Variants in RELL1 observed in about 807,000 individuals in gnomAD.
The protein encoded by RELL1 is RELT like 1, also known as RELT-like protein 1.
RELL1 carries 10 observed loss-of-function variants against 23.0 expected under a neutral mutation model. The ratio of observed to expected loss-of-function variants is 0.43; its 90% CI spans 0.27 to 0.74. The LOEUF (loss-of-function observed/expected upper bound fraction) is 0.74. Ranked by LOEUF, RELL1 falls within the 30% of genes least tolerant of loss-of-function variation. RELL1 has a pLI of 0.19. For missense variants in RELL1, 315 were observed against 364.4 expected (o/e 0.86, Z 1.10); for synonymous variants, 146 against 146.8 (o/e 0.99, Z 0.04).
At chr4:37,590,281 C>T (rs762739859), downstream of RELL1, 8 of 1,614,050 alleles carry the variant, frequency 5.0e-6, no homozygotes, top group East Asian at 1.6e-4. Flanking sequence ...TCCATGGGAG[C>T]CCTGCTGGCC....
chr4:37,656,237 A>G (rs1157827626), intron 1 of RELL1, among the ~76,000 whole-genome samples: 1 of 152,230 alleles, frequency 6.6e-6, no homozygotes, highest in East Asian at 1.9e-4. Flanking sequence ...AGGCTAAATG[A>G]AATAAGCCAG....
intron 3 of RELL1, among the ~76,000 whole-genome samples, chr4:37,643,867 G>T (rs1720606174): frequency 6.6e-6 from 1 of 152,208 alleles, no homozygotes; most frequent in African/African-American, 2.4e-5. Flanking sequence ...AGAGGCCACA[G>T]CTGGAAAGGG....
chr4:37,621,030 G>T (rs1206403289), intron 6 of RELL1, among the ~76,000 whole-genome samples: 1 of 152,286 alleles, frequency 6.6e-6, no homozygotes, highest in Non-Finnish European at 1.5e-5. Context: ...GATCTTGAGC[G>T]CAAGAAGTCT....
chr4:37,634,759 TA>T (rs34782875), intron 5 of RELL1, 127 bp downstream of exon 5: 2 of 830,246 alleles, frequency 2.4e-6, no homozygotes, highest in Non-Finnish European at 3.9e-6. Context: ...AGAAAACATC[TA>T]AAAAGCCCAG....
At chr4:37,660,002 A>C (rs1721267359) in intron 1 of RELL1, among the ~76,000 whole-genome samples, 1 of 152,200 alleles carries the variant, frequency 6.6e-6, no homozygotes. Context: ...ATGGGAAAGG[A>C]ACTTGGCTGA....
rs146355038 is a variant in RELL1, at chr4:37,653,496, G to C, written c.89-3996C>G. On this transcript the variant is annotated intron_variant, in intron 1 of 6. Transcript: ENST00000454158. ...CCCTCAAAATCTTCTTAGGAAAATG[G>C]CATGAACCACAGATTGTTCCTGTGG... 4.5e-4 allele frequency among the ~76,000 whole-genome samples: 69 copies of C among 152,072 alleles called. 1 individual carries two copies. The highest frequency in any genetic ancestry group is 8.8e-4 in the Non-Finnish European group (60 of 67,978).
At chr4:37,681,075 A>G (rs769290253) in intron 1 of RELL1, among the ~76,000 whole-genome samples, 1 of 152,192 alleles carries the variant, frequency 6.6e-6, no homozygotes, top group Non-Finnish European at 1.5e-5. Context: ...AAATTTTCCA[A>G]AAATACCTAG....
At chr4:37,625,812 C>T (rs1365208798) in intron 6 of RELL1, among the ~76,000 whole-genome samples, 3 of 152,040 alleles carry the variant, frequency 2.0e-5, no homozygotes, top group African/African-American at 7.3e-5. Flanking sequence ...TGTCAATCAG[C>T]TCAATTTAGC....
At chr4:37,593,971 G>A (rs1319108865) in intron 6 of RELL1, among the ~76,000 whole-genome samples, 1 of 152,188 alleles carries the variant, frequency 6.6e-6, no homozygotes, top group Admixed American at 6.5e-5. Flanking sequence ...CTCTTACCCA[G>A]ACACACACTT....
At chr4:37,661,835 T>C (rs1721367546) in intron 1 of RELL1, among the ~76,000 whole-genome samples, 1 of 152,144 alleles carries the variant, frequency 6.6e-6, no homozygotes, top group African/African-American at 2.4e-5. Flanking sequence ...AGTCAGTATA[T>C]AAATAAGTGC....
rs897411267 is a variant in RELL1 at position 37,686,360 on chromosome 4, C to G, written c.-73G>C. ...CGGGAAGGCAGAGCCGCTCCGGAGC[C>G]GGCGGGCTGATCGAGTGGCTGGGCT... On this transcript the variant is annotated 5_prime_UTR_variant, in exon 1 of 7. Coordinates refer to ENST00000454158, the MANE Select transcript of RELL1 (RefSeq NM_001085400.2). 70 of 1,227,662 alleles carry G rather than the reference C, an allele frequency of 5.7e-5. No individual in the cohort carries two copies. In the South Asian group the frequency reaches 8.7e-4, roughly 15 times the overall value. 76.0% of individuals were successfully genotyped at this position (1,227,662 alleles called of 1,614,324 possible).
At chr4:37,642,240 C>T (rs1268164196) in intron 3 of RELL1, among the ~76,000 whole-genome samples, 2 of 152,196 alleles carry the variant, frequency 1.3e-5, no homozygotes, top group East Asian at 3.8e-4. Context: ...TTCACAAAGG[C>T]ATCTCTTGCC....
intron 1 of RELL1, among the ~76,000 whole-genome samples, chr4:37,674,610 A>G (rs947976746): frequency 3.3e-5 from 5 of 152,252 alleles, no homozygotes; most frequent in African/African-American, 1.2e-4. Flanking sequence ...CTGCCACTTC[A>G]CCAATGCCAG....
At position 37,598,252 on chromosome 4, in the gene RELL1, C is replaced by CAAAAAAAAAAAAAAAAAAAAAAAA. The variant is rs56142508; in HGVS notation, c.*4-7059_*4-7036dup. Among the ~76,000 whole-genome samples, 3 of 11,336 alleles carry CAAAAAAAAAAAAAAAAAAAAAAAA rather than the reference C, an allele frequency of 2.6e-4. 1 individual carries two copies. Among genetic ancestry groups the CAAAAAAAAAAAAAAAAAAAAAAAA allele is most frequent in the Middle Eastern group, 0.2 (2 of 10 alleles). 7.4% of individuals were successfully genotyped at this position (11,336 alleles called of 152,430 possible). ...TGGGAAACAAAGTGCAACTCTGTCT[C>CAAAAAAAAAAAAAAAAAAAAAAAA]AAAAAAAAAAAAAAAAAAAAAAAAA... On this transcript the variant is annotated intron_variant, in intron 6 of 6. Transcript: ENST00000314117.
chr4:37,589,734 C>T (rs374115948), downstream of RELL1, among the ~76,000 whole-genome samples: 99 of 152,244 alleles, frequency 6.5e-4, no homozygotes, highest in African/African-American at 2.3e-3. Context: ...CAGGTTCAAG[C>T]GATTCTCCTA....
chr4:37,682,848 A>C (rs1577615471), intron 1 of RELL1, among the ~76,000 whole-genome samples: 1 of 152,134 alleles, frequency 6.6e-6, no homozygotes, highest in African/African-American at 2.4e-5. Context: ...TTTTCATCTC[A>C]CCAGCCCCAG....
intron 1 of RELL1, among the ~76,000 whole-genome samples, chr4:37,679,360 C>T (rs549086260): frequency 6.6e-6 from 1 of 152,126 alleles, no homozygotes; most frequent in Non-Finnish European, 1.5e-5. Flanking sequence ...AGTTGTACTT[C>T]TTTTTCTGAA....
intron 6 of RELL1, among the ~76,000 whole-genome samples, chr4:37,596,385 C>A (rs528569437): frequency 6.6e-6 from 1 of 151,978 alleles, no homozygotes; most frequent in African/African-American, 2.4e-5. Flanking sequence ...GCATCTACAT[C>A]GTTTTTGTAA....
rs537907242 is a variant in RELL1 at position 37,665,722 on chromosome 4, C to T, written c.89-16222G>A. ...CATCTCAGCCTGTCTCCAGTAGCAA[C>T]GGGAAGAAATGGGGTCAAAGGGGTG... On this transcript the variant is annotated intron_variant, in intron 1 of 6. Transcript: ENST00000454158. 1.4e-4 allele frequency among the ~76,000 whole-genome samples: 22 copies of T among 152,260 alleles called. No individual in the cohort carries two copies. In the East Asian group the frequency reaches 3.5e-3, roughly 24 times the overall value.
Sources: allele counts gnomAD v4.1 joint callset (sites outside exome capture counted in the v4.1 genomes callset), GRCh38; gene constraint gnomAD v4.1.1; transcripts MANE v1.5; gene names NCBI Gene and HGNC (gene_info 2026-07-23, HGNC 2026-07-21).